CDH18: variants seen among roughly 807,000 people sequenced by gnomAD.
CDH18 encodes the protein cadherin 18.
A neutral mutation model predicts 67.9 loss-of-function variants in CDH18; 31 were observed. That is an observed-to-expected ratio of 0.46 (90% CI 0.34 to 0.62). The LOEUF is 0.62. Among genes scored for constraint, CDH18 ranks in the 20% least tolerant of loss-of-function variants. The probability of loss-of-function intolerance (pLI) is 0.01; values close to 1 mark genes in which losing one functional copy is unlikely to be tolerated. For missense variants in CDH18, 890 were observed against 975.5 expected, an observed-to-expected ratio of 0.91 and a Z score of 1.17; for synonymous variants, 362 against 347.2, an observed-to-expected ratio of 1.04 and a Z score of -0.48.
chr5:20,315,950 G>C (rs952320146), intron 1 of CDH18, among the ~76,000 whole-genome samples: 3 of 152,062 alleles, frequency 2.0e-5, no homozygotes, highest in African/African-American at 7.2e-5. Flanking sequence ...ACTAAGAATA[G>C]TGCCTGTCAC....
intron 2 of CDH18, among the ~76,000 whole-genome samples, chr5:19,921,077 T>C (rs1792387487): frequency 6.6e-6 from 1 of 152,030 alleles, no homozygotes. Flanking sequence ...AAATAAATTC[T>C]GGAAAGACCA....
At chr5:19,496,265 G>T (rs1321926890) in intron 11 of CDH18, among the ~76,000 whole-genome samples, 1 of 152,158 alleles carries the variant, frequency 6.6e-6, no homozygotes. Context: ...CTGTGACTCA[G>T]TTCAGACTCT....
chr5:19,548,183 A>G (rs1167442440), intron 8 of CDH18, among the ~76,000 whole-genome samples: 1 of 152,154 alleles, frequency 6.6e-6, no homozygotes, highest in Non-Finnish European at 1.5e-5. Context: ...TTTTTTACAA[A>G]TAATTAATTT....
At chr5:20,483,521 C>G (rs926390267) in intron 1 of CDH18, among the ~76,000 whole-genome samples, 4 of 151,780 alleles carry the variant, frequency 2.6e-5, no homozygotes, top group Non-Finnish European at 5.9e-5. Context: ...TCAAATTATA[C>G]TATAAAGTTA....
At chr5:20,177,666 C>T (rs1384595511) in intron 2 of CDH18, among the ~76,000 whole-genome samples, 2 of 151,906 alleles carry the variant, frequency 1.3e-5, no homozygotes, top group African/African-American at 2.4e-5. Context: ...TGATATGGTT[C>T]GGCCATGTCC....
intron 1 of CDH18, among the ~76,000 whole-genome samples, chr5:20,322,953 A>G (rs1738177728): frequency 6.6e-6 from 1 of 152,140 alleles, no homozygotes; most frequent in Non-Finnish European, 1.5e-5. Context: ...ATTAATATAA[A>G]AATCTAGATA....
chr5:19,593,711 CTT>C (rs769902885), intron 6 of CDH18, among the ~76,000 whole-genome samples: 8 of 129,404 alleles, frequency 6.2e-5, no homozygotes, highest in Middle Eastern at 3.8e-3. Flanking sequence ...CCTCCTCCTT[CTT>C]CTTCTTCTTC....
chr5:19,587,654 C>CTT (rs35589745), intron 7 of CDH18, among the ~76,000 whole-genome samples: 5,888 of 148,482 alleles, frequency 0.04, 339 homozygotes, highest in African/African-American at 0.12. Flanking sequence ...GTCTGTGTGT[C>CTT]TTTTTTTTTT....
intron 3 of CDH18, among the ~76,000 whole-genome samples, chr5:19,800,847 G>A (rs759405927): frequency 6.6e-6 from 1 of 152,218 alleles, no homozygotes; most frequent in Non-Finnish European, 1.5e-5. Context: ...TGACAGGCAT[G>A]TACTACATTC....
At chr5:20,286,871 T>G (rs539062481) in intron 1 of CDH18, among the ~76,000 whole-genome samples, 1 of 151,890 alleles carries the variant, frequency 6.6e-6, no homozygotes, top group South Asian at 2.1e-4. Flanking sequence ...TTGAGTAAAA[T>G]AAAAGTCATT....
intron 5 of CDH18, among the ~76,000 whole-genome samples, chr5:19,682,221 A>T (rs996058537): frequency 1.3e-5 from 2 of 152,086 alleles, no homozygotes; most frequent in African/African-American, 4.8e-5. Context: ...TAGAGGGGGA[A>T]AGGAACACTG....
chr5:20,197,937 T>C (rs1334235565), intron 2 of CDH18, among the ~76,000 whole-genome samples: 1 of 152,094 alleles, frequency 6.6e-6, no homozygotes, highest in Non-Finnish European at 1.5e-5. Flanking sequence ...GGGGGTGGTT[T>C]CCCCTATGCT....
intron 8 of CDH18, among the ~76,000 whole-genome samples, chr5:19,569,583 G>A (rs1741012650): frequency 6.6e-6 from 1 of 152,066 alleles, no homozygotes. Context: ...ATGTGTGTGT[G>A]CACATGTATA....
intron 2 of CDH18, among the ~76,000 whole-genome samples, chr5:20,116,378 G>A (rs574082378): frequency 3.9e-5 from 6 of 152,066 alleles, no homozygotes; most frequent in East Asian, 3.9e-4. Flanking sequence ...GTAGCCAGGC[G>A]TGGTGGTGGG....
At chr5:19,685,258 T>C (rs1429498196) in intron 5 of CDH18, among the ~76,000 whole-genome samples, 1 of 152,212 alleles carries the variant, frequency 6.6e-6, no homozygotes, top group East Asian at 1.9e-4. Flanking sequence ...TTAAATGCTT[T>C]TAAATATATT....
At chr5:20,420,476 T>G (rs552600117) in intron 1 of CDH18, among the ~76,000 whole-genome samples, 1 of 151,360 alleles carries the variant, frequency 6.6e-6, no homozygotes, top group East Asian at 1.9e-4. Flanking sequence ...AGAAGACGAC[T>G]TAAGCTTTTG....
intron 2 of CDH18, among the ~76,000 whole-genome samples, chr5:19,973,403 T>C (rs556214885): frequency 3.9e-5 from 6 of 152,264 alleles, no homozygotes; most frequent in Non-Finnish European, 8.8e-5. Context: ...CTATTATCTA[T>C]GTACGATGTA....
intron 5 of CDH18, among the ~76,000 whole-genome samples, chr5:19,615,409 C>T (rs2150122397): frequency 6.6e-6 from 1 of 152,172 alleles, no homozygotes; most frequent in South Asian, 2.1e-4. Context: ...ATTTTAGGTC[C>T]TTTCACTGTA....
intron 5 of CDH18, among the ~76,000 whole-genome samples, chr5:19,698,567 TAA>T (rs1292295950): frequency 2.0e-5 from 3 of 151,950 alleles, no homozygotes; most frequent in Non-Finnish European, 4.4e-5. Flanking sequence ...AAAATCACAA[TAA>T]GTTAAAAATT....
Sources: gnomAD v4.1 joint callset for allele counts (sites outside exome capture counted in the v4.1 genomes callset) on GRCh38, gnomAD v4.1.1 for gene constraint, MANE v1.5 for transcripts, NCBI Gene and HGNC (gene_info 2026-07-23, HGNC 2026-07-21) for gene names.